The following HSD17B6 variants were observed in gnomAD, a reference collection of about 807,000 sequenced individuals.
The protein encoded by HSD17B6 is 17-beta-hydroxysteroid dehydrogenase type 6.
HSD17B6 carries 16 observed loss-of-function variants against 26.4 expected under a neutral mutation model. The ratio of observed to expected loss-of-function variants is 0.61; its 90% CI spans 0.41 to 0.92. The LOEUF (loss-of-function observed/expected upper bound fraction) is 0.92, where lower values mean the gene tolerates loss of function less well. Among genes scored for constraint, HSD17B6 ranks in the 40% least tolerant of loss-of-function variants. The pLI is 0.00. For synonymous variants in HSD17B6, 139 were observed against 153.0 expected (o/e 0.91, Z 0.68); for missense variants, 357 against 386.1 (o/e 0.92, Z 0.63).
In HSD17B6 at chr12:56,774,107, C is replaced by G; in HGVS notation, c.255C>G (p.Thr85=). 1 of 1,608,608 alleles carries G rather than the reference C, an allele frequency of 6.2e-7. No homozygotes were observed. The highest frequency in any genetic ancestry group is 8.5e-7 in the Non-Finnish European group (1 of 1,176,396). The part of the protein sequence containing the change: ...DRLETVTLDV[T]KMESIAAATQ... Reference sequence around the variant, plus strand: ...TGGAGACGGTGACCCTGGATGTTACCAAGATGGAGAGCATCGCTGCAGCTA... The same window carrying G: ...TGGAGACGGTGACCCTGGATGTTACGAAGATGGAGAGCATCGCTGCAGCTA... Residue 85 remains threonine (T), a synonymous_variant, in exon 2 of 5, where the codon ACC becomes ACG. Coordinates refer to ENST00000322165, the MANE Select transcript of HSD17B6 (RefSeq NM_003725.4).
chr12:56,786,250 T>G (rs530935951), intron 4 of HSD17B6, among the ~76,000 whole-genome samples: 261 of 77,548 alleles, frequency 3.4e-3, no homozygotes, highest in East Asian at 0.013. Flanking sequence ...AAGTTGTGTG[T>G]TTTTTTTTTT....
At chr12:56,779,854 C>A (rs1954675308) in intron 2 of HSD17B6, among the ~76,000 whole-genome samples, 2 of 130,430 alleles carry the variant, frequency 1.5e-5, no homozygotes, top group African/African-American at 6.2e-5. Flanking sequence ...TCTAAAATTG[C>A]TTTCTTCGTT....
At chr12:56,776,809 G>C (rs768868897) in intron 2 of HSD17B6, among the ~76,000 whole-genome samples, 1 of 152,082 alleles carries the variant, frequency 6.6e-6, no homozygotes. Context: ...GAGCTACTGC[G>C]TCAAGCCTGA....
chr12:56,782,380 T>G, intron 3 of HSD17B6, 148 bp downstream of exon 3: 3 of 832,094 alleles, frequency 3.6e-6, no homozygotes. Flanking sequence ...GCTAACAGGC[T>G]CAAATTTTCT....
rs574635067 is a variant in HSD17B6 at position 56,782,323 on chromosome 12, T to G, written c.572+91T>G. ...GCTTTCGCCTATCTTATTTCATCAC[T>G]CCTCAAATCTTGATACATAGATATT... On this transcript the variant is annotated intron_variant, in intron 3 of 4. Transcript: ENST00000322165. 7.6e-6 allele frequency: 9 copies of G among 1,183,024 alleles called. No individual in the cohort carries two copies. In the African/African-American group the frequency reaches 1.1e-4, roughly 14 times the overall value. 73.3% of individuals were successfully genotyped at this position (1,183,024 alleles called of 1,614,324 possible).
intron 3 of HSD17B6, among the ~76,000 whole-genome samples, chr12:56,783,259 G>T (rs1042311845): frequency 6.7e-6 from 1 of 149,126 alleles, no homozygotes; most frequent in African/African-American, 2.5e-5. Flanking sequence ...GGGTGGCCGG[G>T]CGGGGGGCTG....
chr12:56,775,829 C>T (rs866894531), intron 2 of HSD17B6, among the ~76,000 whole-genome samples: 2 of 152,258 alleles, frequency 1.3e-5, no homozygotes, highest in African/African-American at 2.4e-5. Context: ...CCCTAAAAGT[C>T]CCTCGTGCTT....
At chr12:56,783,256 C>T (rs1212221000) in intron 3 of HSD17B6, among the ~76,000 whole-genome samples, 5 of 149,066 alleles carry the variant, frequency 3.4e-5, no homozygotes, top group Non-Finnish European at 7.5e-5. Flanking sequence ...ACGGGGTGGC[C>T]GGGCGGGGGG....
At position 56,780,908 on chromosome 12, in the gene HSD17B6, C is replaced by A. The variant is rs890703272; in HGVS notation, c.314-1066C>A. Among the ~76,000 whole-genome samples, 13 of 151,312 alleles carry A rather than the reference C, an allele frequency of 8.6e-5. No individual in the cohort carries two copies. In the South Asian group the frequency reaches 2.1e-3, roughly 24 times the overall value. ...TCGAGACAAATATAAAATGTGAGGT[C>A]CTGCTGCAGTCAGTAAAAACCAGAC... On this transcript the variant is annotated intron_variant, in intron 2 of 4. Transcript: ENST00000322165.
intron 2 of HSD17B6, among the ~76,000 whole-genome samples, chr12:56,779,903 C>G (rs1350273464): frequency 6.6e-6 from 1 of 150,394 alleles, no homozygotes; most frequent in Non-Finnish European, 1.5e-5. Context: ...GATGCTGGGG[C>G]AAAATCTTTT....
At chr12:56,780,429 G>A (rs142321088) in intron 2 of HSD17B6, among the ~76,000 whole-genome samples, 54 of 152,280 alleles carry the variant, frequency 3.5e-4, no homozygotes, top group African/African-American at 1.2e-3. Flanking sequence ...TTGCCCTGGC[G>A]TGCTTATACT....
rs1470966380 is a variant in HSD17B6, at chr12:56,787,787, C to T, written c.*445C>T. On this transcript the variant is annotated 3_prime_UTR_variant, in exon 5 of 5. Transcript: ENST00000322165. ...TAATAAATATTTGATTTTTCTTTCT[C>T]TTCTCTTTTTGTCAGCAGTCTTTTT... 1 of 152,508 alleles carries T rather than the reference C, an allele frequency of 6.6e-6. No homozygotes were observed. The highest frequency in any genetic ancestry group is 1.5e-5 in the Non-Finnish European group (1 of 68,316). 9.4% of individuals were successfully genotyped at this position (152,508 alleles called of 1,614,324 possible).
intron 2 of HSD17B6, 70 bp downstream of exon 2, chr12:56,774,235 G>T: frequency 2.2e-6 from 3 of 1,385,960 alleles, no homozygotes; most frequent in Non-Finnish European, 2.9e-6. Context: ...GTTGTTCCTT[G>T]GTGTCTCCTG....
At chr12:56,786,450 A>G (rs956770735) in intron 4 of HSD17B6, among the ~76,000 whole-genome samples, 11 of 152,150 alleles carry the variant, frequency 7.2e-5, no homozygotes, top group Admixed American at 5.2e-4. Context: ...GGGTTTCACC[A>G]TGTTGGCCAT....
At chr12:56,771,277 T>C (rs1299963395) in intron 1 of HSD17B6, among the ~76,000 whole-genome samples, 1 of 152,078 alleles carries the variant, frequency 6.6e-6, no homozygotes, top group Non-Finnish European at 1.5e-5. Flanking sequence ...CCTCTGAGGG[T>C]GTTTCCCCCA....
In HSD17B6 at chr12:56,773,993, A is replaced by G. The variant is rs772753886; in HGVS notation, c.141A>G (p.Arg47=). 6.2e-7 allele frequency: 1 copy of G among 1,614,074 alleles called. No homozygotes were observed. Among genetic ancestry groups the G allele is most frequent in the South Asian group, 1.1e-5 (1 of 91,078 alleles). ...CGGGCTTTGGGAACCTGCTGGCCAG[A>G]CAGCTGGATGCACGAGGCTTGAGAG... ...CDSGFGNLLA[R]QLDARGLRVL... The change falls in exon 2 of 5, where the codon AGA becomes AGG. Residue 47 remains arginine (R), a synonymous_variant. Transcript: ENST00000322165.
chr12:56,779,340 A>G (rs1017067781), intron 2 of HSD17B6, among the ~76,000 whole-genome samples: 1 of 151,970 alleles, frequency 6.6e-6, no homozygotes, highest in Non-Finnish European at 1.5e-5. Context: ...GTCTCACTGC[A>G]TTGCCCAGGC....
At chr12:56,783,338 G>A (rs1247516474) in intron 3 of HSD17B6, among the ~76,000 whole-genome samples, 42 of 134,342 alleles carry the variant, frequency 3.1e-4, no homozygotes, top group African/African-American at 1.1e-3. Context: ...CCTCCCTCCC[G>A]GACGGGGCGG....
intron 1 of HSD17B6, chr12:56,770,606 A>C (rs1954449121): frequency 6.6e-6 from 1 of 152,040 alleles, no homozygotes. Flanking sequence ...AACTTAATTT[A>C]TCTAACATTT....
Sources: gnomAD v4.1 joint callset for allele counts (sites outside exome capture counted in the v4.1 genomes callset) on GRCh38, gnomAD v4.1.1 for gene constraint, MANE v1.5 for transcripts, NCBI Gene and HGNC (gene_info 2026-07-23, HGNC 2026-07-21) for gene names.